Variants in RBFOX1 observed in about 807,000 individuals in gnomAD.
RBFOX1 encodes the protein RNA binding protein fox-1 homolog 1.
Under a neutral mutation model 57.7 loss-of-function variants are expected in RBFOX1, and 8 were observed. That is an observed-to-expected ratio of 0.14 (90% CI 0.08 to 0.25). The LOEUF (loss-of-function observed/expected upper bound fraction) is 0.25. Among genes scored for constraint, RBFOX1 ranks in the 10% least tolerant of loss-of-function variants. The pLI is 1.00. For missense variants in RBFOX1, 611 were observed against 548.5 expected (o/e 1.11, Z -1.14); for synonymous variants, 326 against 222.4 (o/e 1.47, Z -4.15).
intron 4 of RBFOX1, chr16:7,510,416 C>A: frequency 1.1e-6 from 1 of 886,682 alleles, no homozygotes; most frequent in Non-Finnish European, 1.4e-6. Context: ...TGACACGTAG[C>A]TTGCTGCTTG....
intron 2 of RBFOX1, among the ~76,000 whole-genome samples, chr16:6,571,808 C>CA (rs2097348629): frequency 1.3e-5 from 2 of 152,104 alleles, no homozygotes; most frequent in South Asian, 4.1e-4. Context: ...ATTAATTTAT[C>CA]AAAAAAGCAT....
chr16:5,984,802 A>G (rs555471023), intron 4 of RBFOX1, among the ~76,000 whole-genome samples: 4 of 151,870 alleles, frequency 2.6e-5, no homozygotes, highest in African/African-American at 9.7e-5. Context: ...CTAGGCTACA[A>G]ACTTATATGG....
chr16:6,796,399 A>T (rs1156697188), intron 3 of RBFOX1, among the ~76,000 whole-genome samples: 1 of 152,162 alleles, frequency 6.6e-6, no homozygotes, highest in Non-Finnish European at 1.5e-5. Flanking sequence ...ACCAAGAAAT[A>T]GCAAACTTGA....
At chr16:6,732,368 C>T (rs1015198710) in intron 3 of RBFOX1, among the ~76,000 whole-genome samples, 1 of 152,208 alleles carries the variant, frequency 6.6e-6, no homozygotes, top group Non-Finnish European at 1.5e-5. Context: ...ATGCAGCATT[C>T]CTTGCTGGGA....
chr16:5,618,340 T>TGTG (rs1567305684), intron 3 of RBFOX1, among the ~76,000 whole-genome samples: 2 of 143,934 alleles, frequency 1.4e-5, no homozygotes, highest in African/African-American at 5.2e-5. Context: ...TTTTTTTTTT[T>TGTG]TGTGTGTGTG....
intron 1 of RBFOX1, among the ~76,000 whole-genome samples, chr16:5,245,348 C>T (rs972857890): frequency 2.0e-5 from 3 of 152,098 alleles, no homozygotes; most frequent in Admixed American, 2.0e-4. Flanking sequence ...TGCTTGGGAC[C>T]CAGGGGGCAA....
intron 1 of RBFOX1, among the ~76,000 whole-genome samples, chr16:6,252,607 G>GAT (rs2097626100): frequency 3.9e-5 from 4 of 102,628 alleles, no homozygotes; most frequent in South Asian, 3.6e-4. Flanking sequence ...TCCATGCCAA[G>GAT]GTGTTTTGTT....
chr16:7,475,720 G>C (rs1415598378), intron 4 of RBFOX1, among the ~76,000 whole-genome samples: 5 of 152,186 alleles, frequency 3.3e-5, no homozygotes, highest in African/African-American at 1.2e-4. Flanking sequence ...CCTCGGACAA[G>C]TTATTGAACC....
chr16:7,151,231 A>G (rs563285146), intron 4 of RBFOX1, among the ~76,000 whole-genome samples: 4 of 152,222 alleles, frequency 2.6e-5, no homozygotes, highest in Non-Finnish European at 5.9e-5. Flanking sequence ...AGTCACTCAT[A>G]GAATGGGAGA....
chr16:7,127,748 A>C (rs191930958), intron 4 of RBFOX1, among the ~76,000 whole-genome samples: 4 of 152,220 alleles, frequency 2.6e-5, no homozygotes, highest in African/African-American at 4.8e-5. Flanking sequence ...TATCTTCTGC[A>C]TTCTTCCTCA....
chr16:5,682,499 T>C (rs1013416498), intron 3 of RBFOX1, among the ~76,000 whole-genome samples: 1 of 152,246 alleles, frequency 6.6e-6, no homozygotes, highest in African/African-American at 2.4e-5. Flanking sequence ...TGTATTACTT[T>C]CGGTGGAAGA....
At chr16:5,379,709 T>G (rs1250891382) in intron 1 of RBFOX1, among the ~76,000 whole-genome samples, 1 of 152,156 alleles carries the variant, frequency 6.6e-6, no homozygotes, top group African/African-American at 2.4e-5. Context: ...TGGAGGACCC[T>G]GGGGGTCTCA....
chr16:5,936,874 C>G (rs1249558830), intron 4 of RBFOX1, among the ~76,000 whole-genome samples: 1 of 152,194 alleles, frequency 6.6e-6, no homozygotes, highest in Non-Finnish European at 1.5e-5. Flanking sequence ...AAAGATCTCA[C>G]AGAGGGCTTT....
intron 4 of RBFOX1, among the ~76,000 whole-genome samples, chr16:7,068,167 T>C (rs1051928831): frequency 4.6e-5 from 7 of 152,118 alleles, no homozygotes; most frequent in African/African-American, 1.2e-4. Context: ...TCCGTAATTA[T>C]AATTCCATTG....
chr16:6,992,975 A>G (rs2091741285), intron 3 of RBFOX1, among the ~76,000 whole-genome samples: 1 of 152,272 alleles, frequency 6.6e-6, no homozygotes, highest in East Asian at 1.9e-4. Context: ...TCTTTGCTTT[A>G]AACATAAAGC....
chr16:6,826,291 T>C (rs2092126430), intron 3 of RBFOX1, among the ~76,000 whole-genome samples: 1 of 151,874 alleles, frequency 6.6e-6, no homozygotes, highest in African/African-American at 2.4e-5. Context: ...AGCGAGAAAA[T>C]CGTTTGAGTC....
chr16:5,729,198 T>C (rs1416123068), intron 3 of RBFOX1, among the ~76,000 whole-genome samples: 1 of 152,166 alleles, frequency 6.6e-6, no homozygotes, highest in Non-Finnish European at 1.5e-5. Context: ...GCTTAGACTT[T>C]CTAAGCTTCA....
intron 1 of RBFOX1, among the ~76,000 whole-genome samples, chr16:6,055,121 G>C (rs1567344360): frequency 6.6e-6 from 1 of 152,054 alleles, no homozygotes; most frequent in African/African-American, 2.4e-5. Context: ...TCTTTTTTGG[G>C]ATGCAAAACT....
At chr16:6,183,278 A>C (rs2097079239) in intron 1 of RBFOX1, among the ~76,000 whole-genome samples, 1 of 152,006 alleles carries the variant, frequency 6.6e-6, no homozygotes, top group Non-Finnish European at 1.5e-5. Flanking sequence ...CAGGAGATCG[A>C]GACCATCCTG....
Sources: allele counts gnomAD v4.1 joint callset (sites outside exome capture counted in the v4.1 genomes callset), GRCh38; gene constraint gnomAD v4.1.1; transcripts MANE v1.5; gene names NCBI Gene and HGNC (gene_info 2026-07-23, HGNC 2026-07-21).